Variants in ROBO1 observed in about 807,000 individuals in gnomAD.
The protein encoded by ROBO1 is roundabout homolog 1.
In ROBO1, 149 loss-of-function variants were observed where a neutral mutation model predicts 195.9. The ratio of observed to expected loss-of-function variants is 0.76; its 90% confidence interval spans 0.67 to 0.87. The LOEUF is 0.87. Among genes scored for constraint, ROBO1 ranks in the 40% least tolerant of loss-of-function variants. The pLI, the probability that ROBO1 is intolerant of heterozygous loss-of-function variation, is 0.00. For synonymous variants in ROBO1, 816 were observed against 733.2 expected, an observed-to-expected ratio of 1.11 and a Z score of -1.82; for missense variants, 1,933 against 2,068.3, an observed-to-expected ratio of 0.93 and a Z score of 1.27.
intron 1 of ROBO1, among the ~76,000 whole-genome samples, chr3:79,726,175 G>A (rs1239084634): frequency 6.6e-6 from 1 of 152,196 alleles, no homozygotes; most frequent in Non-Finnish European, 1.5e-5. Context: ...TAGGAAAGAA[G>A]TTAGTTCACT....
intron 4 of ROBO1, among the ~76,000 whole-genome samples, chr3:78,808,992 CA>C (rs1352968680): frequency 6.6e-6 from 1 of 152,074 alleles, no homozygotes; most frequent in African/African-American, 2.4e-5. Context: ...CCAAAATTGA[CA>C]AATGGGATCT....
At chr3:79,163,712 G>A (rs554127244) in intron 2 of ROBO1, among the ~76,000 whole-genome samples, 1 of 152,122 alleles carries the variant, frequency 6.6e-6, no homozygotes, top group South Asian at 2.1e-4. Flanking sequence ...TGTTGTTGTT[G>A]TTGTTTTTTA....
chr3:79,503,119 G>C (rs1297407230), intron 2 of ROBO1, among the ~76,000 whole-genome samples: 1 of 152,086 alleles, frequency 6.6e-6, no homozygotes, highest in Admixed American at 6.5e-5. Flanking sequence ...TCACTCTTTG[G>C]GTCTACACTG....
chr3:78,691,685 T>C (rs2081179431), intron 8 of ROBO1, among the ~76,000 whole-genome samples: 1 of 152,160 alleles, frequency 6.6e-6, no homozygotes, highest in East Asian at 1.9e-4. Context: ...CAGGAATGTT[T>C]TTGATCAACT....
intron 26 of ROBO1, among the ~76,000 whole-genome samples, chr3:78,623,698 T>C (rs543020296): frequency 6.6e-6 from 1 of 152,276 alleles, no homozygotes; most frequent in African/African-American, 2.4e-5. Context: ...AACATTACTG[T>C]AATGCAGGTG....
At chr3:79,371,743 C>T (rs2036201923) in intron 2 of ROBO1, among the ~76,000 whole-genome samples, 1 of 152,146 alleles carries the variant, frequency 6.6e-6, no homozygotes, top group Non-Finnish European at 1.5e-5. Context: ...CAGTGAATCT[C>T]TAATCTCCAA....
At chr3:79,721,882 C>T (rs918376982) in intron 1 of ROBO1, among the ~76,000 whole-genome samples, 1 of 152,098 alleles carries the variant, frequency 6.6e-6, no homozygotes, top group African/African-American at 2.4e-5. Flanking sequence ...GTAAAGCCCC[C>T]CATTGTCCAA....
intron 2 of ROBO1, among the ~76,000 whole-genome samples, chr3:79,509,242 A>G (rs1262811023): frequency 6.6e-6 from 1 of 151,706 alleles, no homozygotes; most frequent in Non-Finnish European, 1.5e-5. Context: ...GTTCTACTTT[A>G]TTATTTTTTT....
rs756747681 is a variant in ROBO1 at position 78,938,861 on chromosome 3, G to T, written c.239C>A (p.Ser80Ter). 1 of 1,614,004 alleles carries T rather than the reference G, an allele frequency of 6.2e-7. No individual in the cohort carries two copies. The highest frequency in any genetic ancestry group is 1.7e-5 in the Admixed American group (1 of 60,030). ...IVEHPSDLIV[S>*]KGEPATLNCK... is the part of the protein sequence containing the mutation. ...GTTCAAAGTTGCAGGTTCTCCTTTTGAGACAATCAGGTCTGAAGGGTGTTC... is the reference window on the plus strand; with the variant it reads ...GTTCAAAGTTGCAGGTTCTCCTTTTTAGACAATCAGGTCTGAAGGGTGTTC... Residue 80 changes from serine to a stop codon, truncating the protein, a stop_gained, in exon 4 of 31, where the codon TCA becomes TAA. Transcript: ENST00000464233. LOFTEE classifies it high-confidence loss of function.
chr3:79,012,370 G>T (rs1253746454), intron 3 of ROBO1, among the ~76,000 whole-genome samples: 1 of 152,172 alleles, frequency 6.6e-6, no homozygotes, highest in Non-Finnish European at 1.5e-5. Context: ...TCATTTAAGT[G>T]TCAAACTAGG....
chr3:78,811,458 T>G (rs947220564), intron 4 of ROBO1, among the ~76,000 whole-genome samples: 6 of 152,162 alleles, frequency 3.9e-5, no homozygotes, highest in African/African-American at 1.4e-4. Flanking sequence ...TAAGACTCTT[T>G]CACTATACAT....
intron 2 of ROBO1, among the ~76,000 whole-genome samples, chr3:79,522,421 C>T (rs1575963703): frequency 6.6e-6 from 1 of 151,970 alleles, no homozygotes; most frequent in East Asian, 1.9e-4. Context: ...TGAGAGACCA[C>T]CTCTCTGAAA....
chr3:79,101,600 G>T (rs1331331797), intron 3 of ROBO1, among the ~76,000 whole-genome samples: 1 of 151,658 alleles, frequency 6.6e-6, no homozygotes, highest in African/African-American at 2.4e-5. Flanking sequence ...TTTTCTTTGG[G>T]GTTTTACTCT....
intron 2 of ROBO1, among the ~76,000 whole-genome samples, chr3:79,168,677 G>A (rs1005924265): frequency 3.3e-5 from 5 of 151,976 alleles, no homozygotes; most frequent in African/African-American, 7.3e-5. Flanking sequence ...TCACTTCAAC[G>A]TTTCCATTTA....
chr3:79,265,868 A>G (rs574656471), intron 2 of ROBO1, among the ~76,000 whole-genome samples: 3 of 151,464 alleles, frequency 2.0e-5, no homozygotes, highest in South Asian at 2.1e-4. Context: ...ATACGACCCA[A>G]TGGTATTGAA....
chr3:79,479,675 C>G (rs1938735312), intron 2 of ROBO1, among the ~76,000 whole-genome samples: 1 of 152,066 alleles, frequency 6.6e-6, no homozygotes. Context: ...ATCAAAAAAG[C>G]CTTAATTTTT....
At chr3:78,698,906 G>A (rs2081358868) in intron 8 of ROBO1, among the ~76,000 whole-genome samples, 1 of 152,078 alleles carries the variant, frequency 6.6e-6, no homozygotes, top group Non-Finnish European at 1.5e-5. Flanking sequence ...ACAAACGTTG[G>A]TAGTTACTTG....
chr3:79,075,216 A>G (rs2079152891), intron 3 of ROBO1, among the ~76,000 whole-genome samples: 2 of 151,846 alleles, frequency 1.3e-5, no homozygotes, highest in Non-Finnish European at 2.9e-5. Flanking sequence ...ATATAGAAAA[A>G]CCTACCAGGG....
chr3:79,252,383 T>C (rs1338903432), intron 2 of ROBO1, among the ~76,000 whole-genome samples: 1 of 151,902 alleles, frequency 6.6e-6, no homozygotes, highest in Non-Finnish European at 1.5e-5. Context: ...ACACACAGGG[T>C]AGAAGTTCAT....
Sources: allele counts gnomAD v4.1 joint callset (sites outside exome capture counted in the v4.1 genomes callset), GRCh38; gene constraint gnomAD v4.1.1; transcripts MANE v1.5; gene names NCBI Gene and HGNC (gene_info 2026-07-23, HGNC 2026-07-21).